The following SFI1 variants were observed in gnomAD, a reference collection of about 807,000 sequenced individuals.
SFI1 encodes the protein protein SFI1 homolog.
In SFI1, 195 loss-of-function variants were observed where a neutral mutation model predicts 207.5. The observed-to-expected ratio is 0.94, with a 90% CI of 0.84 to 1.06. The LOEUF (loss-of-function observed/expected upper bound fraction) is 1.06, where lower values mean the gene tolerates loss of function less well. SFI1 is among the 50% of genes least tolerant of loss of function. The pLI is 0.00. For synonymous variants in SFI1, 630 were observed against 598.9 expected (o/e 1.05, Z -0.76); for missense variants, 1,634 against 1,588.0 (o/e 1.03, Z -0.49).
At chr22:31,556,284 G>A (rs1421276985) in intron 6 of SFI1, among the ~76,000 whole-genome samples, 3 of 149,710 alleles carry the variant, frequency 2.0e-5, no homozygotes, top group Admixed American at 6.7e-5. Context: ...GTGCAATGGC[G>A]TGATCTCAGC....
chr22:31,500,712 C>T (rs1342530115), intron 1 of SFI1, among the ~76,000 whole-genome samples: 2 of 152,146 alleles, frequency 1.3e-5, no homozygotes, highest in Non-Finnish European at 2.9e-5. Flanking sequence ...CCGCCTGGGC[C>T]TCCCAAAGTG....
At chr22:31,551,697 C>CT (rs2060638525) in intron 6 of SFI1, among the ~76,000 whole-genome samples, 1 of 152,202 alleles carries the variant, frequency 6.6e-6, no homozygotes, top group South Asian at 2.1e-4. Context: ...TCCCAAAGTG[C>CT]TGGCAATACA....
intron 2 of SFI1, among the ~76,000 whole-genome samples, chr22:31,527,347 T>C (rs1252551326): frequency 1.3e-5 from 2 of 152,222 alleles, no homozygotes; most frequent in Admixed American, 1.3e-4. Context: ...TTTTAGCATA[T>C]ACAGCTGTGT....
intron 17 of SFI1, among the ~76,000 whole-genome samples, chr22:31,603,427 C>G (rs1022920961): frequency 6.6e-6 from 1 of 152,176 alleles, no homozygotes; most frequent in South Asian, 2.1e-4. Flanking sequence ...GCTTTGGGGC[C>G]TTTCAGTGTC....
chr22:31,605,043 G>A (rs2068737651), intron 20 of SFI1, 98 bp downstream of exon 20: 1 of 1,076,314 alleles, frequency 9.3e-7, no homozygotes, highest in Admixed American at 2.9e-5. Flanking sequence ...CCAGGTCGGG[G>A]ATGATCCCGG....
Position 31,534,774 on chromosome 22 carries a change from G to GT in SFI1, c.338+3656dup, listed in dbSNP as rs551696416. On this transcript the variant is annotated intron_variant, in intron 4 of 32. Coordinates refer to ENST00000400288, the MANE Select transcript of SFI1 (RefSeq NM_001007467.3). ...ATCTCATTTTGAGATTGTAAACAAG[G>GT]TTTTTTTTTTTCTTTTTTGTGGACA... is the stretch of plus-strand genomic sequence containing the variant. Among the ~76,000 whole-genome samples the GT allele has an allele frequency of 8.7e-3, 1,261 of 144,132 alleles. 23 individuals are homozygous for GT. The highest frequency in any genetic ancestry group is 0.026 in the African/African-American group (1,012 of 39,542). 94.6% of individuals were successfully genotyped at this position (144,132 alleles called of 152,430 possible).
chr22:31,562,983 TTATA>T (rs56072629), intron 8 of SFI1, among the ~76,000 whole-genome samples: 3 of 142,352 alleles, frequency 2.1e-5, no homozygotes, highest in South Asian at 2.2e-4. Context: ...TCATCATCTT[TTATA>T]TATATATATA....
At chr22:31,530,707 C>G (rs1228338561) in intron 3 of SFI1, 1 of 443,166 alleles carries the variant, frequency 2.3e-6, no homozygotes, top group East Asian at 7.0e-5. Flanking sequence ...GCTACTCACT[C>G]TGTTTACATT....
chr22:31,575,072 A>AG (rs1451974258), intron 9 of SFI1, among the ~76,000 whole-genome samples, 159 bp from the exon 10 acceptor site: 5 of 137,324 alleles, frequency 3.6e-5, no homozygotes, highest in Non-Finnish European at 7.8e-5. Context: ...GAAAAAAAAA[A>AG]AAAAACTTAG....
intron 15 of SFI1, among the ~76,000 whole-genome samples, chr22:31,593,076 C>A (rs1485810190): frequency 2.3e-5 from 3 of 131,006 alleles, no homozygotes; most frequent in Non-Finnish European, 3.3e-5. Flanking sequence ...GCTGGCCGGG[C>A]GGGGGGGCTG....
chr22:31,610,482 GCTC>G (rs1436745237), intron 22 of SFI1, among the ~76,000 whole-genome samples: 2 of 152,222 alleles, frequency 1.3e-5, no homozygotes, highest in Non-Finnish European at 1.5e-5. Context: ...GGCCTGGAGG[GCTC>G]CTCATCTTGG....
chr22:31,560,235 C>G (rs1298805916), intron 7 of SFI1, among the ~76,000 whole-genome samples: 2 of 150,968 alleles, frequency 1.3e-5, no homozygotes, highest in African/African-American at 4.9e-5. Context: ...GACTCTTTTC[C>G]TAGAGCAAAT....
chr22:31,506,614 T>C (rs2054681653), intron 1 of SFI1, among the ~76,000 whole-genome samples: 1 of 152,090 alleles, frequency 6.6e-6, no homozygotes, highest in African/African-American at 2.4e-5. Flanking sequence ...GAAAACCCCA[T>C]CGTCTCAGCC....
rs771170063 is a variant in SFI1 at position 31,583,980 on chromosome 22, C to T, written c.1346+8C>T. 4.3e-5 allele frequency: 70 copies of T among 1,609,924 alleles called. No individual in the cohort carries two copies. Among genetic ancestry groups the T allele is most frequent in the Non-Finnish European group, 5.4e-5 (64 of 1,176,500 alleles). ...TGCCTGGGACCACTACAGGTAGGGA[C>T]TCTGGTTTCATCCCTGGCTCTCAGG... is the stretch of plus-strand genomic sequence containing the variant. On this transcript the variant is annotated splice_region_variant and intron_variant, in intron 13 of 32. Coordinates refer to ENST00000400288, the MANE Select transcript of SFI1 (RefSeq NM_001007467.3).
chr22:31,612,395 AAAAATATATATAT>A (rs1227564383), intron 24 of SFI1: 3 of 110,066 alleles, frequency 2.7e-5, no homozygotes, highest in Admixed American at 9.6e-5. Context: ...AAAAAAAAAA[AAAAATATATATAT>A]ATATATATAT....
At chr22:31,541,575 G>A (rs2059494449) in intron 4 of SFI1, among the ~76,000 whole-genome samples, 1 of 151,594 alleles carries the variant, frequency 6.6e-6, no homozygotes, top group Non-Finnish European at 1.5e-5. Context: ...CCAACATAGT[G>A]AAACCCCGTT....
At chr22:31,566,356 G>A (rs1045780365) in intron 8 of SFI1, among the ~76,000 whole-genome samples, 1 of 152,124 alleles carries the variant, frequency 6.6e-6, no homozygotes, top group African/African-American at 2.4e-5. Context: ...GCCTCCCAAA[G>A]TGTTGGGATT....
chr22:31,507,454 T>C (rs1367247649), intron 1 of SFI1, among the ~76,000 whole-genome samples: 1 of 152,228 alleles, frequency 6.6e-6, no homozygotes, highest in African/African-American at 2.4e-5. Context: ...GGCAAAGATT[T>C]CATGATGAAG....
At chr22:31,605,349 A>T (rs1480186538) in intron 20 of SFI1, 8 of 158,338 alleles carry the variant, frequency 5.1e-5, no homozygotes, top group Non-Finnish European at 8.3e-5. Flanking sequence ...CCTGTCACTG[A>T]CTCTCCAGCG....
Sources: gnomAD v4.1 joint callset for allele counts (sites outside exome capture counted in the v4.1 genomes callset) on GRCh38, gnomAD v4.1.1 for gene constraint, MANE v1.5 for transcripts, NCBI Gene and HGNC (gene_info 2026-07-23, HGNC 2026-07-21) for gene names.